The following YWHAE variants were observed in gnomAD, a reference collection of about 807,000 sequenced individuals.
YWHAE encodes 14-3-3 protein epsilon.
A neutral mutation model predicts 30.1 loss-of-function variants in YWHAE; 4 were observed. The observed-to-expected ratio is 0.13, with a 90% CI of 0.07 to 0.30. The LOEUF (loss-of-function observed/expected upper bound fraction) is 0.30, where lower values mean the gene tolerates loss of function less well. Ranked by LOEUF, YWHAE falls within the 10% of genes least tolerant of loss-of-function variation. The probability of loss-of-function intolerance (pLI) is 1.00; values close to 1 mark genes in which losing one functional copy is unlikely to be tolerated. For synonymous variants in YWHAE, 118 were observed against 111.8 expected (o/e 1.06, Z -0.35); for missense variants, 121 against 315.9 (o/e 0.38, Z 4.68).
In YWHAE at chr17:1,400,199, G is replaced by A. The variant is rs2073548304; in HGVS notation, c.-89C>T. On this transcript the variant is annotated 5_prime_UTR_variant, in exon 1 of 6. Coordinates refer to ENST00000264335, the MANE Select transcript of YWHAE (RefSeq NM_006761.5). ...CAGCCTCTCGCTCCGCGTCCGGGCA[G>A]CAAAAATGGCGGCGCCTCAATCCGG... 4 of 1,502,806 alleles carry A rather than the reference G, an allele frequency of 2.7e-6. No homozygotes were observed. The highest frequency in any genetic ancestry group is 3.7e-6 in the Non-Finnish European group (4 of 1,084,416). 93.1% of individuals were successfully genotyped at this position (1,502,806 alleles called of 1,614,324 possible).
rs148760302 is a variant in YWHAE, at chr17:1,361,130, G to A, written c.540C>T (p.Phe180=). The change falls in exon 4 of 6, where the codon TTC becomes TTT. Residue 180 remains phenylalanine (F), a synonymous_variant. Coordinates refer to ENST00000264335, the MANE Select transcript of YWHAE (RefSeq NM_006761.5). ...RLGLALNFSV[F]YYEILNSPDR... ...CAGGGGAATTAAGAATTTCGTAGTA[G>A]AATACGGAAAAATTGAGAGCAAGAC... 12 of 1,613,910 alleles carry A rather than the reference G, an allele frequency of 7.4e-6. No individual in the cohort carries two copies. Among genetic ancestry groups the A allele is most frequent in the Admixed American group, 1.7e-5 (1 of 59,952 alleles).
intron 1 of YWHAE, among the ~76,000 whole-genome samples, chr17:1,386,910 C>T (rs1408341956): frequency 2.0e-5 from 3 of 151,502 alleles, no homozygotes; most frequent in Non-Finnish European, 2.9e-5. Context: ...GCCAAGATCG[C>T]GCCATTGCAC....
rs144025855 is a variant in YWHAE, at chr17:1,376,382, AAGAAAAAGAAAGAGAGAG to A, written c.65-11342_65-11325del. ...AAAGACAGACAGACAGACAGAAAGA[AAGAAAAAGAAAGAGAGAG>A]AAAGAAAGAAAAGAAAAGAAGGAAA... On this transcript the variant is annotated intron_variant, in intron 1 of 5. Coordinates refer to ENST00000264335, the MANE Select transcript of YWHAE (RefSeq NM_006761.5). Among the ~76,000 whole-genome samples, 67 of 71,082 alleles carry A rather than the reference AAGAAAAAGAAAGAGAGAG, an allele frequency of 9.4e-4. 2 individuals carry two copies. In the South Asian group the frequency reaches 0.028, roughly 30 times the overall value. The allele number at this position is 71,082 out of a possible 152,430, so 46.6% of individuals were successfully genotyped here. A position where few individuals can be genotyped will look rare whatever the true frequency, so the allele number is the denominator to read the frequency against.
In YWHAE at chr17:1,368,055, A is replaced by T. The variant is rs541833613; in HGVS notation, c.65-2997T>A. Among the ~76,000 whole-genome samples, 36 of 152,150 alleles carry T rather than the reference A, an allele frequency of 2.4e-4. 1 individual carries two copies. The South Asian group carries it at 7.5e-3, about 32-fold the overall frequency. ...CACCTGAGGTCAGGAGTTCAAGACCAGCCTGGCCAACATGGTGACACCCCG... is the reference window on the plus strand; with the variant it reads ...CACCTGAGGTCAGGAGTTCAAGACCTGCCTGGCCAACATGGTGACACCCCG... On this transcript the variant is annotated intron_variant, in intron 1 of 5. Coordinates refer to ENST00000264335, the MANE Select transcript of YWHAE (RefSeq NM_006761.5).
intron 1 of YWHAE, among the ~76,000 whole-genome samples, chr17:1,366,255 A>G (rs2072940425): frequency 6.6e-6 from 1 of 151,862 alleles, no homozygotes; most frequent in South Asian, 2.1e-4. Flanking sequence ...AAAAATAAAA[A>G]TAGGCTGGAT....
At chr17:1,349,027 C>G (rs4790882) in intron 5 of YWHAE, among the ~76,000 whole-genome samples, 110,758 of 149,100 alleles carry the variant, frequency 0.74, 42,248 homozygotes, top group African/African-American at 0.93. Flanking sequence ...CTCTGTCTCA[C>G]GAAAAAAGGA....
intron 1 of YWHAE, among the ~76,000 whole-genome samples, chr17:1,389,890 C>G (rs1232667686): frequency 2.0e-5 from 3 of 151,694 alleles, no homozygotes; most frequent in Admixed American, 1.3e-4. Flanking sequence ...GTCGCCCAGG[C>G]TGGAGTGCAA....
chr17:1,387,596 G>A (rs1371665565), intron 1 of YWHAE, among the ~76,000 whole-genome samples: 3 of 151,962 alleles, frequency 2.0e-5, no homozygotes, highest in Non-Finnish European at 2.9e-5. Flanking sequence ...TTCTCAAGTG[G>A]TTGAGAGTGT....
chr17:1,394,839 C>A, intron 1 of YWHAE, among the ~76,000 whole-genome samples: 1 of 149,820 alleles, frequency 6.7e-6, no homozygotes, highest in Admixed American at 6.7e-5. Context: ...CGATGGCGGG[C>A]GCCTGTAGTC....
chr17:1,349,958 ATT>A (rs35252983), intron 5 of YWHAE, among the ~76,000 whole-genome samples: 1 of 145,538 alleles, frequency 6.9e-6, no homozygotes, highest in Admixed American at 6.9e-5. Flanking sequence ...ATTACCCTGT[ATT>A]TTTTTTTTTT....
intron 1 of YWHAE, among the ~76,000 whole-genome samples, chr17:1,394,443 A>AAAAAAAAAAAAAAAAAAAAAAAAAC: frequency 7.5e-6 from 1 of 133,348 alleles, no homozygotes; most frequent in African/African-American, 2.9e-5. Flanking sequence ...CCACAAAAAA[A>AAAAAAAAAAAAAAAAAAAAAAAAAC]AAAAAAAAAA....
At chr17:1,373,255 A>G (rs2073068370) in intron 1 of YWHAE, among the ~76,000 whole-genome samples, 1 of 152,094 alleles carries the variant, frequency 6.6e-6, no homozygotes. Flanking sequence ...AAAAACAAGC[A>G]AAAAAAGGAA....
intron 1 of YWHAE, among the ~76,000 whole-genome samples, chr17:1,376,879 G>A (rs1243745785): frequency 2.0e-5 from 3 of 151,470 alleles, no homozygotes; most frequent in African/African-American, 7.3e-5. Context: ...TGTACTGGCT[G>A]ACAGGATTAA....
chr17:1,364,086 CT>C (rs1210463760), intron 2 of YWHAE, among the ~76,000 whole-genome samples: 1 of 151,862 alleles, frequency 6.6e-6, no homozygotes, highest in Non-Finnish European at 1.5e-5. Flanking sequence ...GGCTGTCCAA[CT>C]TTTTTTTAAC....
rs572763644 is a variant in YWHAE, at chr17:1,378,839, C to T, written c.65-13781G>A. On this transcript the variant is annotated intron_variant, in intron 1 of 5. Transcript: ENST00000264335. ...GCACACACCTGTGATCCCAGCTACT[C>T]GGGAGGCTGAGGCAGGAGAATCGCT... 7.2e-5 allele frequency among the ~76,000 whole-genome samples: 11 copies of T among 151,846 alleles called. No homozygotes were observed. In the East Asian group the frequency reaches 1.6e-3, roughly 21 times the overall value.
chr17:1,370,029 T>C (rs536465194), intron 1 of YWHAE, among the ~76,000 whole-genome samples: 23 of 151,706 alleles, frequency 1.5e-4, no homozygotes, highest in Non-Finnish European at 3.1e-4. Flanking sequence ...GGCAAGACAA[T>C]GAAGTCTGCC....
intron 4 of YWHAE, among the ~76,000 whole-genome samples, chr17:1,358,428 A>G (rs1019521946): frequency 1.3e-5 from 2 of 151,712 alleles, no homozygotes; most frequent in Non-Finnish European, 2.9e-5. Flanking sequence ...TTTAGTAGAG[A>G]CGGGGTTTCA....
At chr17:1,384,323 G>C (rs1207662862) in intron 1 of YWHAE, among the ~76,000 whole-genome samples, 1 of 130,762 alleles carries the variant, frequency 7.6e-6, no homozygotes, top group Non-Finnish European at 1.7e-5. Context: ...CTGCAGTGAG[G>C]TGTGTCTGCT....
chr17:1,359,945 G>C (rs2072834807), intron 4 of YWHAE, among the ~76,000 whole-genome samples: 4 of 83,498 alleles, frequency 4.8e-5, no homozygotes, highest in East Asian at 5.5e-4. Flanking sequence ...GGAGGGGGAG[G>C]GGGGGAGAGA....
Sources: allele counts gnomAD v4.1 joint callset (sites outside exome capture counted in the v4.1 genomes callset), GRCh38; gene constraint gnomAD v4.1.1; transcripts MANE v1.5; gene names NCBI Gene and HGNC (gene_info 2026-07-23, HGNC 2026-07-21).